Variants in NDUFAF2 observed in about 807,000 individuals in gnomAD.
The protein encoded by NDUFAF2 is NADH:ubiquinone oxidoreductase complex assembly factor 2.
In NDUFAF2, 13 loss-of-function variants were observed where a neutral mutation model predicts 22.8. The observed-to-expected ratio is 0.57, with a 90% CI of 0.37 to 0.91. The LOEUF is 0.91. Among genes scored for constraint, NDUFAF2 ranks in the 40% least tolerant of loss-of-function variants. NDUFAF2 has a pLI of 0.01. For missense variants in NDUFAF2, 162 were observed against 195.2 expected, an observed-to-expected ratio of 0.83 and a Z score of 1.01; for synonymous variants, 53 against 64.2, an observed-to-expected ratio of 0.83 and a Z score of 0.84.
intron 1 of NDUFAF2, among the ~76,000 whole-genome samples, chr5:61,029,427 T>G (rs112139043): frequency 5.6e-4 from 85 of 152,324 alleles, no homozygotes; most frequent in African/African-American, 2.0e-3. Context: ...AAAGGTCAAA[T>G]GTATTCCTTT....
chr5:61,018,458 A>G (rs1751539384), intron 1 of NDUFAF2, among the ~76,000 whole-genome samples: 1 of 152,174 alleles, frequency 6.6e-6, no homozygotes. Flanking sequence ...GTTTAATCCA[A>G]TCAGTATTTA....
chr5:61,034,912 A>ATATGTGTGTG (rs111557328), intron 1 of NDUFAF2, among the ~76,000 whole-genome samples: 5,889 of 144,894 alleles, frequency 0.041, 171 homozygotes, highest in Admixed American at 0.067. Context: ...GCAAATATAT[A>ATATGTGTGTG]TGTGTGTGTG....
intron 3 of NDUFAF2, among the ~76,000 whole-genome samples, chr5:61,138,851 G>A (rs1172825669): frequency 1.3e-5 from 2 of 152,144 alleles, no homozygotes; most frequent in East Asian, 3.9e-4. Flanking sequence ...TAATTGTATG[G>A]CCTTAAGTTA....
intron 1 of NDUFAF2, among the ~76,000 whole-genome samples, chr5:61,051,234 C>T (rs890978648): frequency 6.6e-6 from 1 of 152,168 alleles, no homozygotes; most frequent in Non-Finnish European, 1.5e-5. Flanking sequence ...ATACCTCTCA[C>T]AGAAAGTTTC....
intron 1 of NDUFAF2, among the ~76,000 whole-genome samples, chr5:61,027,993 T>G (rs929353126): frequency 6.6e-6 from 1 of 152,028 alleles, no homozygotes; most frequent in African/African-American, 2.4e-5. Flanking sequence ...TCTTTCCACC[T>G]TCATGGAGTT....
At chr5:61,037,453 T>C (rs932149692) in intron 1 of NDUFAF2, among the ~76,000 whole-genome samples, 1 of 152,150 alleles carries the variant, frequency 6.6e-6, no homozygotes, top group Non-Finnish European at 1.5e-5. Context: ...CTTTAGAAGG[T>C]CATAAGGAGA....
intron 1 of NDUFAF2, among the ~76,000 whole-genome samples, chr5:61,034,912 ATG>A (rs1554080641): frequency 0.023 from 3,300 of 144,956 alleles, 40 homozygotes; most frequent in Non-Finnish European, 0.03. Flanking sequence ...GCAAATATAT[ATG>A]TGTGTGTGTG....
intron 1 of NDUFAF2, among the ~76,000 whole-genome samples, chr5:60,977,810 C>A (rs1409166099): frequency 7.2e-6 from 1 of 139,552 alleles, no homozygotes. Context: ...GCACTCCAGT[C>A]TGGGCTACAG....
At chr5:60,964,485 C>G (rs544098587) in intron 1 of NDUFAF2, among the ~76,000 whole-genome samples, 2 of 150,152 alleles carry the variant, frequency 1.3e-5, no homozygotes, top group Admixed American at 1.3e-4. Context: ...GAGTCTCACT[C>G]TGTTGCCCCG....
intron 3 of NDUFAF2, among the ~76,000 whole-genome samples, chr5:61,131,634 G>A (rs1753112858): frequency 6.6e-6 from 1 of 152,138 alleles, no homozygotes; most frequent in South Asian, 2.1e-4. Flanking sequence ...ATACTAACTA[G>A]TATGCAGCCA....
At position 60,979,826 on chromosome 5, in the gene NDUFAF2, G is replaced by A. The variant is rs548228261; in HGVS notation, c.127+34444G>A. Among the ~76,000 whole-genome samples, 11 of 152,194 alleles carry A rather than the reference G, an allele frequency of 7.2e-5. No individual in the cohort carries two copies. The South Asian group carries it at 2.1e-3, about 29-fold the overall frequency. ...CCTTGGACTTGAGAGAACATAGATGGGGTAGCCAGGCATTGGTCACTGTAG... is the reference window on the plus strand; with the variant it reads ...CCTTGGACTTGAGAGAACATAGATGAGGTAGCCAGGCATTGGTCACTGTAG... On this transcript the variant is annotated intron_variant, in intron 1 of 3. Coordinates refer to ENST00000296597, the MANE Select transcript of NDUFAF2 (RefSeq NM_174889.5).
chr5:61,089,862 A>G (rs1411264439), intron 2 of NDUFAF2, among the ~76,000 whole-genome samples: 1 of 151,930 alleles, frequency 6.6e-6, no homozygotes, highest in Non-Finnish European at 1.5e-5. Context: ...AGTTTCTCCA[A>G]CCTCTTTAAC....
intron 1 of NDUFAF2, among the ~76,000 whole-genome samples, chr5:61,065,998 A>G (rs774191376): frequency 1.3e-5 from 2 of 152,126 alleles, no homozygotes; most frequent in African/African-American, 2.4e-5. Context: ...TGAATTCAGT[A>G]AAGTTACAGG....
intron 1 of NDUFAF2, among the ~76,000 whole-genome samples, chr5:61,007,695 CT>C (rs1751386453): frequency 6.6e-6 from 1 of 152,144 alleles, no homozygotes; most frequent in African/African-American, 2.4e-5. Flanking sequence ...CACTTTTACA[CT>C]GTTGGTGGGA....
In NDUFAF2 at chr5:61,067,336, T is replaced by A. The variant is rs1042705448; in HGVS notation, c.128-5789T>A. Among the ~76,000 whole-genome samples, 4 of 122,942 alleles carry A rather than the reference T, an allele frequency of 3.3e-5. No homozygotes were observed. The East Asian group carries it at 1.1e-3, about 35-fold the overall frequency. The allele number at this position is 122,942 out of a possible 152,430, so 80.7% of individuals were successfully genotyped here. A position where few individuals can be genotyped will look rare whatever the true frequency, so the allele number is the denominator to read the frequency against. On this transcript the variant is annotated intron_variant, in intron 1 of 3. Coordinates refer to ENST00000296597, the MANE Select transcript of NDUFAF2 (RefSeq NM_174889.5). ...CCCCCTACCCCACAACAGTCCCCAG[T>A]GTGTGGTGTTCCCCTTCCTGTGTCC...
chr5:61,116,570 G>A (rs530096527), intron 3 of NDUFAF2: 3 of 152,324 alleles, frequency 2.0e-5, no homozygotes, highest in Admixed American at 6.5e-5. Context: ...AATACTAGAA[G>A]CTAGAAGACA....
chr5:60,946,492 C>T (rs572485164), intron 1 of NDUFAF2, among the ~76,000 whole-genome samples: 1 of 152,262 alleles, frequency 6.6e-6, no homozygotes, highest in East Asian at 1.9e-4. Flanking sequence ...ATGAGCTCCT[C>T]TGTCAGGCAG....
chr5:61,135,239 T>C (rs1323294029), intron 3 of NDUFAF2, among the ~76,000 whole-genome samples: 2 of 152,030 alleles, frequency 1.3e-5, no homozygotes, highest in African/African-American at 4.8e-5. Flanking sequence ...ACTATGAACT[T>C]TTTACCATTT....
intron 1 of NDUFAF2, among the ~76,000 whole-genome samples, chr5:61,039,143 C>CA (rs36065069): frequency 0.3 from 24,528 of 82,108 alleles, 2,829 homozygotes; most frequent in South Asian, 0.39. Flanking sequence ...GCTGACAGGC[C>CA]AAAAAAAAAA....
Sources: gnomAD v4.1 joint callset for allele counts (sites outside exome capture counted in the v4.1 genomes callset) on GRCh38, gnomAD v4.1.1 for gene constraint, MANE v1.5 for transcripts, NCBI Gene and HGNC (gene_info 2026-07-23, HGNC 2026-07-21) for gene names.